Variants in THTPA observed in about 807,000 individuals in gnomAD.
THTPA encodes thiamine triphosphatase, also known as thiamine-triphosphatase.
THTPA carries 16 observed loss-of-function variants against 16.5 expected under a neutral mutation model. The ratio of observed to expected loss-of-function variants is 0.97; its 90% CI spans 0.66 to 1.47. The LOEUF is 1.47. Among genes scored for constraint, THTPA ranks in the 40% most tolerant of loss-of-function variants. THTPA has a pLI of 0.00. For missense variants in THTPA, 281 were observed against 280.9 expected (o/e 1.00, Z 0.00); for synonymous variants, 110 against 115.5 (o/e 0.95, Z 0.30).
the THTPA span, chr14:23,524,913 C>A: frequency 1.3e-6 from 2 of 1,536,164 alleles, no homozygotes; most frequent in Admixed American, 2.0e-5. The surrounding 1 kb of genome is among the most constrained non-coding windows in gnomAD (Gnocchi z 5.6). Flanking sequence ...GAGAAAGTGG[C>A]GTGGCAACGC....
chr14:23,527,722 T>G, the THTPA span: 1 of 1,536,160 alleles, frequency 6.5e-7, no homozygotes, highest in East Asian at 2.4e-5. Context: ...GTACTTGGGC[T>G]GCACTGCATG....
upstream of THTPA, among the ~76,000 whole-genome samples, chr14:23,555,246 G>C (rs916847946): frequency 6.6e-6 from 1 of 152,136 alleles, no homozygotes; most frequent in African/African-American, 2.4e-5. Flanking sequence ...TGATTCACCT[G>C]CCTCGGCTTC....
the THTPA span, among the ~76,000 whole-genome samples, chr14:23,540,928 CAG>C: frequency 2.0e-5 from 3 of 151,220 alleles, no homozygotes; most frequent in East Asian, 1.9e-4. Context: ...TTTTTTGAGA[CAG>C]AGTCTCGCTC....
the THTPA span, chr14:23,523,862 G>C: frequency 6.5e-7 from 1 of 1,536,098 alleles, no homozygotes; most frequent in East Asian, 2.4e-5. The surrounding 1 kb of genome is among the most constrained non-coding windows in gnomAD (Gnocchi z 4.1). Context: ...CAGATCTCCT[G>C]CAGAGAGACT....
At chr14:23,527,326 TTC>T in the THTPA span, among the ~76,000 whole-genome samples, 1 of 152,208 alleles carries the variant, frequency 6.6e-6, no homozygotes, top group Non-Finnish European at 1.5e-5. Flanking sequence ...ACAAGCTCAG[TTC>T]TGAGTCTCCC....
the THTPA span, among the ~76,000 whole-genome samples, chr14:23,540,352 C>CA: frequency 6.6e-6 from 1 of 152,206 alleles, no homozygotes; most frequent in African/African-American, 2.4e-5. Context: ...CCCTTAGAGT[C>CA]AATTTTAGGA....
chr14:23,558,700 C>G lies in THTPA; in HGVS notation c.553C>G (p.Pro185Ala), dbSNP rs750881245. 1.9e-6 allele frequency: 3 copies of G among 1,614,168 alleles called. No homozygotes were observed. The South Asian group carries it at 3.3e-5, about 18-fold the overall frequency. The change falls in exon 2 of 2, where the codon CCT becomes GCT. Residue 185 changes from proline (P) to alanine (A), a missense_variant. Pro to Ala is a conservative substitution (Grantham distance 27). Transcript: ENST00000288014. The part of the protein sequence containing the change: ...IHRLSSMLGV[P>A]AQETAPAKLI... ...CATTGTCCTTTTACCTGTAGGTGTG[C>G]CTGCACAGGAGACAGCACCAGCCAA...
chr14:23,531,641 G>T, the THTPA span: 77 of 1,518,660 alleles, frequency 5.1e-5, no homozygotes, highest in East Asian at 1.9e-3. Flanking sequence ...CCAAGCGGGA[G>T]GGTGTCTCCC....
chr14:23,528,610 A>G, the THTPA span: 1 of 985,054 alleles, frequency 1.0e-6, no homozygotes, highest in Non-Finnish European at 1.2e-6. Context: ...GTGAACCATC[A>G]CCTGGAAAGG....
the THTPA span, chr14:23,524,737 T>A: frequency 6.5e-7 from 1 of 1,536,364 alleles, no homozygotes; most frequent in Non-Finnish European, 8.7e-7. This position sits in a 1 kb window ranked among gnomAD's most constrained non-coding sequence, Gnocchi z 5.6. Flanking sequence ...GAGGCTCTGG[T>A]AATGGGCCCT....
At chr14:23,530,330 T>C in the THTPA span, 7 of 742,820 alleles carry the variant, frequency 9.4e-6, no homozygotes, top group East Asian at 2.7e-5. Context: ...TAGGAGAGTA[T>C]GAAAAGCCAA....
the THTPA span, chr14:23,521,410 T>C: frequency 6.5e-6 from 1 of 152,958 alleles, no homozygotes; most frequent in Non-Finnish European, 1.5e-5. Context: ...TGTGGTGCTC[T>C]AGACAAAGGG....
chr14:23,524,117 T>C, the THTPA span: 2 of 1,535,222 alleles, frequency 1.3e-6, no homozygotes, highest in East Asian at 2.4e-5. This position sits in a 1 kb window ranked among gnomAD's most constrained non-coding sequence, Gnocchi z 5.6. Context: ...GAGGTTGAAC[T>C]TGGGCAAGGA....
Position 23,560,227 on chromosome 14 carries a change from C to A in THTPA, c.*1387C>A, listed in dbSNP as rs143633671. The A allele has an allele frequency of 4.0e-4, 643 of 1,610,562 alleles. 3 individuals carry two copies. Among genetic ancestry groups the A allele is most frequent in the East Asian group, 3.9e-3 (173 of 44,840 alleles). On this transcript the variant is annotated 3_prime_UTR_variant, in exon 2 of 2. Transcript: ENST00000288014. The stretch of plus-strand genomic sequence containing the variant: ...GGCCTTTTCTCCTGGAGTCCCCAGG[C>A]CACCTCTGAACTCTGATCTTTACAA...
In THTPA at chr14:23,560,151, G is replaced by C; in HGVS notation, c.*1311G>C. 1.3e-6 allele frequency: 2 copies of C among 1,493,268 alleles called. No homozygotes were observed. The highest frequency in any genetic ancestry group is 1.8e-6 in the Non-Finnish European group (2 of 1,089,182). The allele number at this position is 1,493,268 out of a possible 1,614,324, so 92.5% of individuals were successfully genotyped here. ...GTAACTCCCCAAGTGCTGATCTCCA[G>C]ATGACTCAATCCCATCTCACACTGT... is the stretch of plus-strand genomic sequence containing the variant. On this transcript the variant is annotated 3_prime_UTR_variant, in exon 2 of 2. Transcript: ENST00000288014.
the THTPA span, chr14:23,526,857 G>A: frequency 7.2e-6 from 11 of 1,530,340 alleles, no homozygotes; most frequent in Non-Finnish European, 9.6e-6. Flanking sequence ...CTGCTGCCTG[G>A]TCTCTGCTCG....
the THTPA span, chr14:23,532,498 T>C: frequency 3.6e-6 from 5 of 1,406,070 alleles, no homozygotes; most frequent in Non-Finnish European, 4.6e-6. Flanking sequence ...CACTTTCTTA[T>C]TCTGCATCTC....
chr14:23,520,162 G>A, the THTPA span, among the ~76,000 whole-genome samples: 32 of 152,194 alleles, frequency 2.1e-4, no homozygotes, highest in Non-Finnish European at 3.5e-4. This position sits in a 1 kb window ranked among gnomAD's most constrained non-coding sequence, Gnocchi z 8.7. Flanking sequence ...AGATTGACCT[G>A]TGCTTCAGTC....
the THTPA span, chr14:23,524,820 C>T: frequency 6.5e-7 from 1 of 1,537,050 alleles, no homozygotes; most frequent in Non-Finnish European, 8.7e-7. This position sits in a 1 kb window ranked among gnomAD's most constrained non-coding sequence, Gnocchi z 5.6. Flanking sequence ...TCCTCTTCCC[C>T]TCTCTCTGCC....
Sources: allele counts gnomAD v4.1 joint callset (sites outside exome capture counted in the v4.1 genomes callset), GRCh38; gene constraint gnomAD v4.1.1; non-coding constraint Gnocchi (gnomAD v3.1); transcripts MANE v1.5; gene names NCBI Gene and HGNC (gene_info 2026-07-23, HGNC 2026-07-21).